TEK: variants seen among roughly 807,000 people sequenced by gnomAD.
TEK encodes the protein TEK receptor tyrosine kinase.
A neutral mutation model predicts 131.8 loss-of-function variants in TEK; 43 were observed. The observed-to-expected ratio is 0.33, with a 90% CI of 0.26 to 0.42. TEK has a LOEUF of 0.42. TEK is among the 10% of genes least tolerant of loss of function. TEK has a pLI of 1.00. For synonymous variants in TEK, 580 were observed against 491.6 expected, an observed-to-expected ratio of 1.18 and a Z score of -2.38; for missense variants, 1,162 against 1,384.4, an observed-to-expected ratio of 0.84 and a Z score of 2.55.
chr9:27,197,142 AG>A, intron 11 of TEK, among the ~76,000 whole-genome samples, 172 bp from the exon 12 acceptor site: 1 of 151,890 alleles, frequency 6.6e-6, no homozygotes. Flanking sequence ...GACAGCACCA[AG>A]GGGGATGGTA....
chr9:27,112,132 C>T (rs1821370267), intron 1 of TEK, among the ~76,000 whole-genome samples: 4 of 152,124 alleles, frequency 2.6e-5, no homozygotes, highest in Admixed American at 2.6e-4. Context: ...CTCCTGACCC[C>T]AAGTGATCCG....
Position 27,229,151 on chromosome 9 carries a change from C to G in TEK, c.3301-7C>G. On this transcript the variant is annotated splice_polypyrimidine_tract_variant and splice_region_variant and intron_variant, in intron 22 of 22. Coordinates refer to ENST00000380036, the MANE Select transcript of TEK (RefSeq NM_000459.5). ...CCTATGTCTCTGAACCATTTTCATT[C>G]TTCCAGACCTACGTGAATACCACGC... 2 of 1,613,574 alleles carry G rather than the reference C, an allele frequency of 1.2e-6. No homozygotes were observed. The highest frequency in any genetic ancestry group is 1.7e-6 in the Non-Finnish European group (2 of 1,179,532).
chr9:27,125,413 T>A (rs1360182334), intron 1 of TEK, among the ~76,000 whole-genome samples: 3 of 152,236 alleles, frequency 2.0e-5, no homozygotes, highest in African/African-American at 7.2e-5. Context: ...GTCTTCTTTT[T>A]CAGGCTAGGA....
intron 1 of TEK, among the ~76,000 whole-genome samples, chr9:27,133,055 T>G (rs1042118362): frequency 2.0e-5 from 3 of 152,202 alleles, no homozygotes; most frequent in Admixed American, 2.0e-4. Context: ...AGAGATCTCA[T>G]GGAAAGTAAA....
At chr9:27,180,868 CT>C (rs1320748287) in intron 7 of TEK, among the ~76,000 whole-genome samples, 5 of 152,162 alleles carry the variant, frequency 3.3e-5, no homozygotes, top group African/African-American at 4.8e-5. Flanking sequence ...AGCCCACTAT[CT>C]TTTTTTAAAC....
chr9:27,137,547 A>G (rs577502341), intron 1 of TEK, among the ~76,000 whole-genome samples: 33 of 152,262 alleles, frequency 2.2e-4, no homozygotes, highest in African/African-American at 7.2e-4. Flanking sequence ...TTTTGGTGAG[A>G]TAAGTTAGGC....
intron 20 of TEK, 101 bp downstream of exon 20, chr9:27,218,918 G>C: frequency 8.5e-7 from 1 of 1,171,086 alleles, no homozygotes; most frequent in Non-Finnish European, 1.3e-6. Context: ...CCGTTTGTAT[G>C]TGGTTCTACC....
chr9:27,213,450 G>C, intron 17 of TEK, 34 bp from the exon 18 acceptor site: 1 of 1,540,168 alleles, frequency 6.5e-7, no homozygotes, highest in Non-Finnish European at 9.0e-7. Context: ...GCTTTCATTA[G>C]GCTGAAAATA....
chr9:27,174,038 T>G (rs1245205681), intron 6 of TEK, among the ~76,000 whole-genome samples: 1 of 152,142 alleles, frequency 6.6e-6, no homozygotes, highest in African/African-American at 2.4e-5. Flanking sequence ...ATGCAAGTAG[T>G]ACTAACATCA....
chr9:27,139,382 C>T (rs1477472605), intron 1 of TEK, among the ~76,000 whole-genome samples: 1 of 117,618 alleles, frequency 8.5e-6, no homozygotes, highest in Non-Finnish European at 1.6e-5. Context: ...GGCTGGAGTG[C>T]AGTGGTGCAA....
In TEK at chr9:27,172,797, T is replaced by G. The variant is rs763947882; in HGVS notation, c.760+50T>G. On this transcript the variant is annotated intron_variant, in intron 5 of 22. Transcript: ENST00000380036. ...AGCTGTGGATTTAAAAAGCCATCGT[T>G]GCTGGATCTAGAATTTTAGATCTCG... 7 of 1,608,556 alleles carry G rather than the reference T, an allele frequency of 4.4e-6. No homozygotes were observed. The East Asian group carries it at 1.6e-4, about 36-fold the overall frequency.
In TEK at chr9:27,229,261, C is replaced by G. The variant is rs1442055717; in HGVS notation, c.*29C>G. 6.2e-7 allele frequency: 1 copy of G among 1,609,116 alleles called. No homozygotes were observed. Among genetic ancestry groups the G allele is most frequent in the Admixed American group, 1.7e-5 (1 of 59,944 alleles). ...AGAACATCTGTATACCCTCTGTTTCCCTTTCACTGGCATGGGAGACCCTTG... is the reference window on the plus strand; with the variant it reads ...AGAACATCTGTATACCCTCTGTTTCGCTTTCACTGGCATGGGAGACCCTTG... On this transcript the variant is annotated 3_prime_UTR_variant, in exon 23 of 23. Coordinates refer to ENST00000380036, the MANE Select transcript of TEK (RefSeq NM_000459.5).
chr9:27,218,462 G>C (rs959850677), intron 19 of TEK, among the ~76,000 whole-genome samples: 7 of 152,098 alleles, frequency 4.6e-5, no homozygotes, highest in Non-Finnish European at 7.3e-5. Flanking sequence ...ATAAGTATTG[G>C]GTGGCAGAGA....
rs535885263 is a variant in TEK, at chr9:27,164,117, T to G, written c.365-4378T>G. The stretch of plus-strand genomic sequence containing the variant: ...ATGAAAGCATCCAGAGCGAGATTCC[T>G]TGGTTCAAATCCTGGCTCTCCCATG... On this transcript the variant is annotated intron_variant, in intron 2 of 22. Transcript: ENST00000380036. 2.6e-5 allele frequency among the ~76,000 whole-genome samples: 4 copies of G among 152,276 alleles called. No homozygotes were observed. In the South Asian group the frequency reaches 8.3e-4, roughly 32 times the overall value.
chr9:27,157,792 T>G, intron 1 of TEK, 39 bp from the exon 2 acceptor site: 2 of 1,610,132 alleles, frequency 1.2e-6, no homozygotes, highest in Non-Finnish European at 1.7e-6. Context: ...GTCATGTTAA[T>G]AACCTTAGTC....
intron 1 of TEK, among the ~76,000 whole-genome samples, chr9:27,115,566 G>A (rs902855712): frequency 6.6e-5 from 10 of 152,080 alleles, no homozygotes; most frequent in African/African-American, 1.9e-4. Context: ...GTCTAAAAAC[G>A]TGGAATGTCA....
chr9:27,198,835 G>T (rs1825116652), intron 12 of TEK, among the ~76,000 whole-genome samples: 1 of 152,216 alleles, frequency 6.6e-6, no homozygotes. Flanking sequence ...GTCTTGCTCT[G>T]TTGCCCAGGC....
rs76920073 is a variant in TEK at position 27,197,642 on chromosome 9, G to T, written c.1909+43G>T. On this transcript the variant is annotated intron_variant, in intron 12 of 22. Coordinates refer to ENST00000380036, the MANE Select transcript of TEK (RefSeq NM_000459.5). ...CTCCAGCCTCATCTGAGCAATAAGG[G>T]GCTACCGCCATGCAGACTTAGCTAA... 7.4e-4 allele frequency: 1,198 copies of T among 1,610,824 alleles called. 10 individuals carry two copies. In the African/African-American group the frequency reaches 0.015, roughly 20 times the overall value.
rs774357901 is a variant in TEK, at chr9:27,180,221, T to C, written c.902-19T>C. 5 of 1,613,600 alleles carry C rather than the reference T, an allele frequency of 3.1e-6. No homozygotes were observed. In the South Asian group the frequency reaches 3.3e-5, roughly 11 times the overall value. On this transcript the variant is annotated intron_variant, in intron 6 of 22. Transcript: ENST00000380036. ...CTTCCCCTGGATTAATACTGGTTTT[T>C]TGATGTCTCTGTTTACAGCATGCCA... is the stretch of plus-strand genomic sequence containing the variant.
Sources: gnomAD v4.1 joint callset for allele counts (sites outside exome capture counted in the v4.1 genomes callset) on GRCh38, gnomAD v4.1.1 for gene constraint, MANE v1.5 for transcripts, NCBI Gene and HGNC (gene_info 2026-07-23, HGNC 2026-07-21) for gene names.